Variants in NACC1 observed in about 807,000 individuals in gnomAD.
The protein encoded by NACC1 is nucleus accumbens associated 1.
NACC1 carries 6 observed loss-of-function variants against 41.7 expected under a neutral mutation model. The observed-to-expected ratio is 0.14, with a 90% CI of 0.08 to 0.28. The LOEUF is 0.28. Ranked by LOEUF, NACC1 falls within the 10% of genes least tolerant of loss-of-function variation. The pLI, the probability that NACC1 is intolerant of heterozygous loss-of-function variation, is 1.00. For missense variants in NACC1, 434 were observed against 763.7 expected, an observed-to-expected ratio of 0.57 and a Z score of 5.09; for synonymous variants, 338 against 330.6, an observed-to-expected ratio of 1.02 and a Z score of -0.24.
intron 1 of NACC1, among the ~76,000 whole-genome samples, chr19:13,122,221 C>T (rs1256467572): frequency 6.6e-6 from 1 of 152,190 alleles, no homozygotes; most frequent in South Asian, 2.1e-4. Flanking sequence ...TTCTTAGAGA[C>T]CTGTGCGTCT....
rs369677811 is a variant in NACC1, at chr19:13,136,212, G to A, written c.947-20G>A. The A allele has an allele frequency of 1.7e-5, 28 of 1,607,636 alleles. No individual in the cohort carries two copies. The highest frequency in any genetic ancestry group is 2.3e-5 in the Non-Finnish European group (27 of 1,176,214). On this transcript the variant is annotated intron_variant, in intron 2 of 5. Coordinates refer to ENST00000292431, the MANE Select transcript of NACC1 (RefSeq NM_052876.4). This position sits in a 1 kb window ranked among gnomAD's most constrained non-coding sequence, Gnocchi z 5.5. ...CACCCCTGCTCCTCCTGCCACTCGC[G>A]TGCCACTCTCTCCCTGCAGCCGAGA...
chr19:13,130,568 C>T (rs2019621740), intron 1 of NACC1, among the ~76,000 whole-genome samples: 2 of 139,102 alleles, frequency 1.4e-5, no homozygotes, highest in Admixed American at 7.5e-5. Flanking sequence ...TGGAGTATCA[C>T]TCTGTTGCCC....
At position 13,138,040 on chromosome 19, in the gene NACC1, G is replaced by C; in HGVS notation, c.1325-107G>C. ...GTGTCCTGGCCGCGTGGCCTCACTCGTTTCCCCTTTGAGAGGGAGTCGCAG... is the reference window on the plus strand; with the variant it reads ...GTGTCCTGGCCGCGTGGCCTCACTCCTTTCCCCTTTGAGAGGGAGTCGCAG... On this transcript the variant is annotated intron_variant, in intron 5 of 5. Coordinates refer to ENST00000292431, the MANE Select transcript of NACC1 (RefSeq NM_052876.4). The surrounding 1 kb of genome is among the most constrained non-coding windows in gnomAD (Gnocchi z 5.7). The C allele has an allele frequency of 1.3e-6, 2 of 1,517,282 alleles. No homozygotes were observed. The highest frequency in any genetic ancestry group is 1.8e-6 in the Non-Finnish European group (2 of 1,121,474). The allele number at this position is 1,517,282 out of a possible 1,614,324, so 94.0% of individuals were successfully genotyped here. A position where few individuals can be genotyped will look rare whatever the true frequency, so the allele number is the denominator to read the frequency against.
chr19:13,132,072 G>A lies in NACC1; in HGVS notation c.-8-3128G>A, dbSNP rs1244559851. On this transcript the variant is annotated intron_variant, in intron 1 of 5. Coordinates refer to ENST00000292431, the MANE Select transcript of NACC1 (RefSeq NM_052876.4). ...GATGGAGTTTCACCGTGTTTGCCAGGCTGGTCTCGAACTCCCGACCTCAGG... is the reference window on the plus strand; with the variant it reads ...GATGGAGTTTCACCGTGTTTGCCAGACTGGTCTCGAACTCCCGACCTCAGG... Among the ~76,000 whole-genome samples the A allele has an allele frequency of 8.6e-5, 13 of 151,914 alleles. No homozygotes were observed. The East Asian group carries it at 2.6e-3, about 30-fold the overall frequency.
chr19:13,126,526 A>G (rs1159540884), intron 1 of NACC1, among the ~76,000 whole-genome samples: 1 of 152,114 alleles, frequency 6.6e-6, no homozygotes, highest in Non-Finnish European at 1.5e-5. Context: ...TGGCTGGGGA[A>G]TTCCTCAGCT....
chr19:13,121,575 C>T (rs1021532101), intron 1 of NACC1, among the ~76,000 whole-genome samples: 1 of 152,164 alleles, frequency 6.6e-6, no homozygotes, highest in Non-Finnish European at 1.5e-5. Flanking sequence ...AGGAGTCTGC[C>T]TGGAGGCCCG....
intron 1 of NACC1, among the ~76,000 whole-genome samples, chr19:13,118,655 G>A (rs2019440726): frequency 6.6e-6 from 1 of 151,794 alleles, no homozygotes. Context: ...AGGGCTTGGG[G>A]GCGGCAGGAT....
Position 13,138,438 on chromosome 19 carries a change from C to T in NACC1, c.*32C>T. 1 of 1,598,040 alleles carries T rather than the reference C, an allele frequency of 6.3e-7. No individual in the cohort carries two copies. Among genetic ancestry groups the T allele is most frequent in the Non-Finnish European group, 8.5e-7 (1 of 1,176,648 alleles). On this transcript the variant is annotated 3_prime_UTR_variant, in exon 6 of 6. Transcript: ENST00000292431. The surrounding 1 kb of genome is among the most constrained non-coding windows in gnomAD (Gnocchi z 5.7). ...CAGCCTCCCGCGGGGCCACACACTT[C>T]CCCTCCCAACACACACACACACCTG...
In NACC1 at chr19:13,136,140, C is replaced by T. The variant is rs778988672; in HGVS notation, c.933C>T (p.Asn311=). 7 of 1,612,126 alleles carry T rather than the reference C, an allele frequency of 4.3e-6. No homozygotes were observed. The highest frequency in any genetic ancestry group is 2.7e-5 in the African/African-American group (2 of 74,882). ...TGTACACCATGTACAGCATGATGAA[C>T]GTCGGCCAGACAGGTGAGGTGCCGT... ...CNMYTMYSMM[N]VGQTAEKVEA... Residue 311 remains asparagine, a synonymous_variant, in exon 2 of 6, where the codon AAC becomes AAT. Transcript: ENST00000292431. This position sits in a 1 kb window ranked among gnomAD's most constrained non-coding sequence, Gnocchi z 5.5.
At chr19:13,119,263 G>A (rs1363831077) in intron 1 of NACC1, among the ~76,000 whole-genome samples, 1 of 152,032 alleles carries the variant, frequency 6.6e-6, no homozygotes. Flanking sequence ...AAGTGTTAAG[G>A]GGTTCCGTCT....
chr19:13,121,908 C>T (rs532614028), intron 1 of NACC1, among the ~76,000 whole-genome samples: 2 of 152,330 alleles, frequency 1.3e-5, no homozygotes, highest in Admixed American at 6.5e-5. Flanking sequence ...CACCCTAGTC[C>T]TTCCTTCACA....
In NACC1 at chr19:13,137,625, GACGTTTTTTCCCAGCCTT is replaced by G; in HGVS notation, c.1324+51_1324+68del. On this transcript the variant is annotated intron_variant, in intron 5 of 5. Transcript: ENST00000292431. This position sits in a 1 kb window ranked among gnomAD's most constrained non-coding sequence, Gnocchi z 6.1. ...GGCGTGGGCCCGGGGCACGCAGGTT[GACGTTTTTTCCCAGCCTT>G]GGCTCTCAGAGAGGGCTAGAGTTCA... is the stretch of plus-strand genomic sequence containing the variant. 3.4e-6 allele frequency: 5 copies of G among 1,488,306 alleles called. No homozygotes were observed. Among genetic ancestry groups the G allele is most frequent in the Non-Finnish European group, 2.7e-6 (3 of 1,097,072 alleles). 92.2% of individuals were successfully genotyped at this position (1,488,306 alleles called of 1,614,324 possible).
rs566740690 is a variant in NACC1, at chr19:13,133,665, A to G, written c.-8-1535A>G. On this transcript the variant is annotated intron_variant, in intron 1 of 5. Coordinates refer to ENST00000292431, the MANE Select transcript of NACC1 (RefSeq NM_052876.4). The stretch of plus-strand genomic sequence containing the variant: ...TGGACTGACCATGTTTAGTTGGCCC[A>G]TCCATCCGCAGATGGACGTTTGGAT... 2.0e-5 allele frequency among the ~76,000 whole-genome samples: 3 copies of G among 152,292 alleles called. No homozygotes were observed. In the South Asian group the frequency reaches 6.2e-4, roughly 32 times the overall value.
At chr19:13,118,079 G>A (rs999220139), upstream of NACC1, 2 of 152,174 alleles carry the variant, frequency 1.3e-5, no homozygotes, top group Admixed American at 6.5e-5. Context: ...CCATCGAGCT[G>A]AGCCGACGTA....
chr19:13,135,961 G>A lies in NACC1; in HGVS notation c.754G>A (p.Val252Met), dbSNP rs1393217305. The change falls in exon 2 of 6, where the codon GTG (valine) becomes ATG (methionine). Residue 252 changes from valine to methionine, a missense_variant. Physicochemically the swap from Val to Met is conservative, Grantham distance 21. Coordinates refer to ENST00000292431, the MANE Select transcript of NACC1 (RefSeq NM_052876.4). ...PAGGVAAAGG[V>M]VSGPSTSERT... ...CGGTGGGGTGGCAGCAGCAGGGGGT[G>A]TGGTGAGTGGGCCCAGCACGTCGGA... 1 of 1,604,478 alleles carries A rather than the reference G, an allele frequency of 6.2e-7. No homozygotes were observed. The highest frequency in any genetic ancestry group is 8.5e-7 in the Non-Finnish European group (1 of 1,176,446).
rs1249983187 is a variant in NACC1 at position 13,137,178 on chromosome 19, AG to A, written c.1121-90del. On this transcript the variant is annotated intron_variant, in intron 3 of 5. Transcript: ENST00000292431. The surrounding 1 kb of genome is among the most constrained non-coding windows in gnomAD (Gnocchi z 6.1). ...TCTTGGGACCCAGAGCCCAGCAGGG[AG>A]GGCCTGGGGTGTTCTGAGATGAGGC... 1 of 1,205,888 alleles carries A rather than the reference AG, an allele frequency of 8.3e-7. No homozygotes were observed. The highest frequency in any genetic ancestry group is 1.9e-5 in the Admixed American group (1 of 53,978). The allele number at this position is 1,205,888 out of a possible 1,614,324, so 74.7% of individuals were successfully genotyped here. A position where few individuals can be genotyped will look rare whatever the true frequency, so the allele number is the denominator to read the frequency against.
chr19:13,138,554 C>T lies in NACC1; in HGVS notation c.*148C>T. 2 of 1,225,074 alleles carry T rather than the reference C, an allele frequency of 1.6e-6. No homozygotes were observed. The highest frequency in any genetic ancestry group is 2.2e-6 in the Non-Finnish European group (2 of 897,732). The allele number at this position is 1,225,074 out of a possible 1,614,324, so 75.9% of individuals were successfully genotyped here. Reference sequence around the variant, plus strand: ...GCCCTCTGCCCCTCCTGTCCTACCCCCTTTCCCCACCGAGAGCTGGGCCGG... The same window carrying T: ...GCCCTCTGCCCCTCCTGTCCTACCCTCTTTCCCCACCGAGAGCTGGGCCGG... On this transcript the variant is annotated 3_prime_UTR_variant, in exon 6 of 6. Coordinates refer to ENST00000292431, the MANE Select transcript of NACC1 (RefSeq NM_052876.4). This position sits in a 1 kb window ranked among gnomAD's most constrained non-coding sequence, Gnocchi z 5.7.
intron 1 of NACC1, 79 bp downstream of exon 1, chr19:13,118,533 T>A (rs1307393642): frequency 6.6e-6 from 1 of 150,702 alleles, no homozygotes; most frequent in Non-Finnish European, 1.5e-5. Flanking sequence ...AGGGCCTGGG[T>A]GCTTTCTCGG....
chr19:13,127,799 A>C (rs1253666326), intron 1 of NACC1, among the ~76,000 whole-genome samples: 3 of 152,042 alleles, frequency 2.0e-5, no homozygotes, highest in African/African-American at 7.3e-5. Context: ...GTGAGCTATG[A>C]TGGTGCCACT....
Sources: gnomAD v4.1 joint callset for allele counts (sites outside exome capture counted in the v4.1 genomes callset) on GRCh38, gnomAD v4.1.1 for gene constraint, Gnocchi (gnomAD v3.1) non-coding constraint, MANE v1.5 for transcripts, NCBI Gene and HGNC (gene_info 2026-07-23, HGNC 2026-07-21) for gene names.